FLG: variants seen among roughly 807,000 people sequenced by gnomAD.
FLG encodes epidermal filaggrin.
In FLG, 6 loss-of-function variants were observed where a neutral mutation model predicts 3.8. The observed-to-expected ratio is 1.60, with a 90% CI of 0.87 to 3.15. The LOEUF is 3.15. Among genes scored for constraint, FLG ranks in the 30% most tolerant of loss-of-function variants. FLG has a pLI of 0.00. For synonymous variants in FLG, 2,551 were observed against 1,931.6 expected (o/e 1.32, Z -8.41); for missense variants, 7,595 against 5,050.9 (o/e 1.50, Z -15.27).
Position 152,314,051 on chromosome 1 carries a change from T to G in FLG, c.835A>C (p.Thr279Pro). The stretch of plus-strand genomic sequence containing the variant: ...GACTCCTGCAATGGTACCTGGCTTG[T>G]ATTTTCATGTCTTGACCTGTTCACT... Reference protein sequence around the residue: ...SQVNRSRHENTSQVPLQESRT... With the variant: ...SQVNRSRHENPSQVPLQESRT... The change falls in exon 3 of 3, where the codon ACA becomes CCA. Residue 279 changes from threonine to proline, a missense_variant. Physicochemically the swap from Thr to Pro is conservative, Grantham distance 38. Transcript: ENST00000368799. 4 of 1,614,222 alleles carry G rather than the reference T, an allele frequency of 2.5e-6. No homozygotes were observed. The highest frequency in any genetic ancestry group is 2.5e-6 in the Non-Finnish European group (3 of 1,180,032).
intron 1 of FLG, among the ~76,000 whole-genome samples, chr1:152,324,344 C>G (rs1653078219): frequency 6.6e-6 from 1 of 151,898 alleles, no homozygotes; most frequent in South Asian, 2.1e-4. Flanking sequence ...GCTACGCTGT[C>G]TAGCTCTCTG....
At chr1:152,318,815 A>G (rs1479237851) in intron 1 of FLG, among the ~76,000 whole-genome samples, 1 of 151,896 alleles carries the variant, frequency 6.6e-6, no homozygotes, top group Non-Finnish European at 1.5e-5. Flanking sequence ...TTTTGTGAAG[A>G]CAATAAACAA....
In FLG at chr1:152,303,193, C is replaced by G; in HGVS notation, c.11693G>C (p.Gly3898Ala). 1.2e-6 allele frequency: 2 copies of G among 1,614,098 alleles called. No homozygotes were observed. Among genetic ancestry groups the G allele is most frequent in the South Asian group, 2.2e-5 (2 of 91,068 alleles). Residue 3898 changes from glycine (G) to alanine (A), a missense_variant, in exon 3 of 3, where the codon GGC becomes GCC. Physicochemically the swap from Gly to Ala is moderately conservative, Grantham distance 60. Coordinates refer to ENST00000368799, the MANE Select transcript of FLG (RefSeq NM_002016.2). ...HGSSREQSRD[G>A]SRHPGSSHRD... ...GTGAGAGGATCCGGGGTGTCTGGAG[C>G]CATCTCTTGACTGCTCCCGAGAAGA...
In FLG at chr1:152,303,606, T is replaced by A; in HGVS notation, c.11280A>T (p.Gly3760=). ...TTCCTCCTCTCCTTGACCCCGGGTG[T>A]CCACGAATGGTGTCCTGACCCTCTT... ...ASQEGQDTIR[G]HPGSRRGGRQ... Residue 3760 remains glycine (G), a synonymous_variant, in exon 3 of 3, where the codon GGA becomes GGT. Coordinates refer to ENST00000368799, the MANE Select transcript of FLG (RefSeq NM_002016.2). 1 of 1,613,802 alleles carries A rather than the reference T, an allele frequency of 6.2e-7. No homozygotes were observed. The highest frequency in any genetic ancestry group is 1.1e-5 in the South Asian group (1 of 91,072).
At chr1:152,316,717 G>A (rs1429716596) in intron 1 of FLG, among the ~76,000 whole-genome samples, 1 of 152,052 alleles carries the variant, frequency 6.6e-6, no homozygotes, top group Non-Finnish European at 1.5e-5. Context: ...TCTTTCTGAA[G>A]GATCTCACTC....
In FLG at chr1:152,311,467, C is replaced by T. The variant is rs146853599; in HGVS notation, c.3419G>A (p.Arg1140Gln). ...AHGRTRTSTGRRQGSHHEQAR... is the reference protein window; with the variant it reads ...AHGRTRTSTGQRQGSHHEQAR... Reference sequence around the variant, plus strand: ...CTGCTCGTGGTGGGATCCTTGTCTTCGTCCAGTGCTGGTCCTGGTCCGCCC... The same window carrying T: ...CTGCTCGTGGTGGGATCCTTGTCTTTGTCCAGTGCTGGTCCTGGTCCGCCC... Residue 1140 changes from arginine (R) to glutamine (Q), a missense_variant, in exon 3 of 3, where the codon CGA becomes CAA. Transcript: ENST00000368799. The T allele has an allele frequency of 2.7e-3, 4,381 of 1,613,820 alleles. 97 individuals are homozygous for T. In the African/African-American group the frequency reaches 0.05, roughly 19 times the overall value.
In FLG at chr1:152,302,983, C is replaced by G. The variant is rs753743484; in HGVS notation, c.11903G>C (p.Gly3968Ala). ...YQSEGTERQK[G>A]QSGLVWRHGS... ...ATGTCTCCAAACTAAACCTGATTGA[C>G]CTTTTTGCCTTTCAGTGCCCTCAGA... The change falls in exon 3 of 3, where the codon GGT (glycine) becomes GCT (alanine). Residue 3968 changes from glycine (G) to alanine (A), a missense_variant. Gly to Ala is a moderately conservative substitution (Grantham distance 60, BLOSUM62 0). Transcript: ENST00000368799. 1.9e-6 allele frequency: 3 copies of G among 1,614,180 alleles called. No homozygotes were observed. Among genetic ancestry groups the G allele is most frequent in the East Asian group, 2.2e-5 (1 of 44,886 alleles).
At position 152,307,592 on chromosome 1, in the gene FLG, C is replaced by T. The variant is rs775285976; in HGVS notation, c.7294G>A (p.Gly2432Arg). The T allele has an allele frequency of 1.5e-5, 24 of 1,613,492 alleles. No homozygotes were observed. Among genetic ancestry groups the T allele is most frequent in the East Asian group, 6.7e-5 (3 of 44,790 alleles). ...CCTTGTCTTCCTCCAGTGCTGGTCC[C>T]GGTCCGTCCATGGGCGGACTCAGAC... is the stretch of plus-strand genomic sequence containing the variant. Reference protein sequence around the residue: ...EQSESAHGRTGTSTGGRQGSH... With the variant: ...EQSESAHGRTRTSTGGRQGSH... The change falls in exon 3 of 3, where the codon GGG (glycine) becomes AGG (arginine). Residue 2432 changes from glycine (G) to arginine (R), a missense_variant. Physicochemically the swap from Gly to Arg is moderately radical, Grantham distance 125. Coordinates refer to ENST00000368799, the MANE Select transcript of FLG (RefSeq NM_002016.2).
chr1:152,308,929 G>T lies in FLG; in HGVS notation c.5957C>A (p.Ser1986Tyr), dbSNP rs752623792. ...QSGTRHTESS[S>Y]RGQAASSHEQ... ...ATGGGATGACGCAGCCTGTCCACGA[G>T]AGGAAGACTCTGTGTGACGAGTGCC... The change falls in exon 3 of 3, where the codon TCT becomes TAT. Residue 1986 changes from serine (S) to tyrosine (Y), a missense_variant. Transcript: ENST00000368799. 5 of 1,614,064 alleles carry T rather than the reference G, an allele frequency of 3.1e-6. No individual in the cohort carries two copies. Among genetic ancestry groups the T allele is most frequent in the South Asian group, 1.1e-5 (1 of 91,086 alleles).
In FLG at chr1:152,305,249, A is replaced by G. The variant is rs1386559420; in HGVS notation, c.9637T>C (p.Ser3213Pro). ...EGSRRSRRQG[S>P]SVSQDSDSEG... ...CTGTCACTGTCCTGGCTCACACTGG[A>G]TCCCTGGCGCCTGCTTCTCCTGGAC... is the stretch of plus-strand genomic sequence containing the variant. Residue 3213 changes from serine to proline, a missense_variant, in exon 3 of 3, where the codon TCC becomes CCC. Ser to Pro is a moderately conservative substitution (Grantham distance 74). Coordinates refer to ENST00000368799, the MANE Select transcript of FLG (RefSeq NM_002016.2). The G allele has an allele frequency of 1.2e-6, 2 of 1,612,058 alleles. No homozygotes were observed. Among genetic ancestry groups the G allele is most frequent in the Non-Finnish European group, 1.7e-6 (2 of 1,179,716 alleles).
At position 152,310,180 on chromosome 1, in the gene FLG, C is replaced by A; in HGVS notation, c.4706G>T (p.Gly1569Val). ...SRHHEPSTRA[G>V]SSRHSQVGQG... ...GCCCACCTGTGAGTGTCTAGAGCTGCCGGCCCGAGTGGAAGGTTCATGGTG... is the reference window on the plus strand; with the variant it reads ...GCCCACCTGTGAGTGTCTAGAGCTGACGGCCCGAGTGGAAGGTTCATGGTG... The change falls in exon 3 of 3, where the codon GGC becomes GTC. Residue 1569 changes from glycine to valine, a missense_variant. Coordinates refer to ENST00000368799, the MANE Select transcript of FLG (RefSeq NM_002016.2). 1 of 1,613,600 alleles carries A rather than the reference C, an allele frequency of 6.2e-7. No individual in the cohort carries two copies. Among genetic ancestry groups the A allele is most frequent in the Non-Finnish European group, 8.5e-7 (1 of 1,179,916 alleles).
Position 152,311,675 on chromosome 1 carries a change from C to T in FLG, c.3211G>A (p.Ala1071Thr), listed in dbSNP as rs1369947146. The change falls in exon 3 of 3, where the codon GCC (alanine) becomes ACC (threonine). Residue 1071 changes from alanine (A) to threonine (T), a missense_variant. Transcript: ENST00000368799. ...TCTGAATGTCCCTCACTATCACTGG[C>T]CTGACTACCACTGGACCCCCAGTGT... is the stretch of plus-strand genomic sequence containing the variant. ...SGHWGSSGSQ[A>T]SDSEGHSEES... 5.6e-6 allele frequency: 9 copies of T among 1,614,136 alleles called. No homozygotes were observed. The highest frequency in any genetic ancestry group is 7.6e-6 in the Non-Finnish European group (9 of 1,180,010).
rs1388889820 is a variant in FLG, at chr1:152,305,364, GCTGTCTC to G, written c.9515_9521del (p.Gly3172AlafsTer42). On this transcript the variant is annotated frameshift_variant, in exon 3 of 3. Transcript: ENST00000368799. LOFTEE classifies it low-confidence loss of function (END_TRUNC). ...GGTGACGTGACACTGAGTGCCTGGAGCTGTCTCCTGATTGTTCCTCATTACGTGTTGT... is the reference window on the plus strand; with the variant it reads ...GGTGACGTGACACTGAGTGCCTGGAGCTGATTGTTCCTCATTACGTGTTGT... The G allele has an allele frequency of 2.5e-6, 4 of 1,608,794 alleles. No individual in the cohort carries two copies. In the African/African-American group the frequency reaches 5.5e-5, roughly 22 times the overall value.
At position 152,309,245 on chromosome 1, in the gene FLG, A is replaced by G; in HGVS notation, c.5641T>C (p.Ser1881Pro). The G allele has an allele frequency of 6.2e-7, 1 of 1,613,432 alleles. No homozygotes were observed. Among genetic ancestry groups the G allele is most frequent in the Non-Finnish European group, 8.5e-7 (1 of 1,179,894 alleles). ...GAAGCTTCATGGTGACGCGACCCTG[A>G]GTGCCTGGAGCCGTCTCCTGATTGT... ...EKQSGDGSRH[S>P]GSRHHEASSR... The change falls in exon 3 of 3, where the codon TCA (serine) becomes CCA (proline). Residue 1881 changes from serine to proline, a missense_variant. By Grantham distance (74) the Ser-to-Pro change is moderately conservative. Coordinates refer to ENST00000368799, the MANE Select transcript of FLG (RefSeq NM_002016.2).
Position 152,312,968 on chromosome 1 carries a change from AC to A in FLG, c.1917del (p.Ser640LeufsTer158). ...GATCCATGATGGTTTCTGGAAGCAG[AC>A]CCAGACCACCTCTCAGAGTCTTCTG... ...GHSEDSERWS[G>X]SASRNHHGSA... is the part of the protein sequence containing the mutation. On this transcript the variant is annotated frameshift_variant, in exon 3 of 3. Transcript: ENST00000368799. LOFTEE classifies it low-confidence loss of function (END_TRUNC). The A allele has an allele frequency of 1.9e-6, 3 of 1,613,844 alleles. No homozygotes were observed. The highest frequency in any genetic ancestry group is 2.5e-6 in the Non-Finnish European group (3 of 1,179,994).
Position 152,314,443 on chromosome 1 carries a change from C to T in FLG, c.443G>A (p.Gly148Glu), listed in dbSNP as rs945727472. ...AGAACTAGATTCATGCCTTTTCCCC[C>T]CTGTTTCTCTTGGGCTCTTGGATCT... ...KGRSKSPRET[G>E]GKRHESSSEK... The change falls in exon 3 of 3, where the codon GGG becomes GAG. Residue 148 changes from glycine (G) to glutamate (E), a missense_variant. Gly to Glu is a moderately conservative substitution (Grantham distance 98). Coordinates refer to ENST00000368799, the MANE Select transcript of FLG (RefSeq NM_002016.2). 104 of 1,613,448 alleles carry T rather than the reference C, an allele frequency of 6.4e-5. 4 individuals carry two copies. In the South Asian group the frequency reaches 1.0e-3, roughly 16 times the overall value.
rs370973678 is a variant in FLG at position 152,309,210 on chromosome 1, G to C, written c.5676C>G (p.Ala1892=). 70 of 1,613,500 alleles carry C rather than the reference G, an allele frequency of 4.3e-5. 1 individual carries two copies. The South Asian group carries it at 6.5e-4, about 15-fold the overall frequency. The change falls in exon 3 of 3, where the codon GCC becomes GCG. Residue 1892 remains alanine (A), a synonymous_variant. Coordinates refer to ENST00000368799, the MANE Select transcript of FLG (RefSeq NM_002016.2). ...CCACCTGCGAGTGTCTAGAGCTGTC[G>C]GCCCGAGAGGAAGCTTCATGGTGAC... The part of the protein sequence containing the change: ...GSRHHEASSR[A]DSSRHSQVGQ...
chr1:152,306,924 A>T lies in FLG; in HGVS notation c.7962T>A (p.His2654Gln). ...EQARSSAGER[H>Q]GSHHQQSADS... ...CTGCTGACTGCTGGTGGTGGGATCC[A>T]TGTCTTTCTCCTGCACTTGATCTTG... is the stretch of plus-strand genomic sequence containing the variant. The change falls in exon 3 of 3, where the codon CAT becomes CAA. Residue 2654 changes from histidine to glutamine, a missense_variant. His to Gln is a conservative substitution (Grantham distance 24, BLOSUM62 0). Transcript: ENST00000368799. 3.5e-6 allele frequency: 5 copies of T among 1,415,430 alleles called. No homozygotes were observed. In the South Asian group the frequency reaches 3.6e-5, roughly 10 times the overall value. The allele number at this position is 1,415,430 out of a possible 1,614,324, so 87.7% of individuals were successfully genotyped here. A position where few individuals can be genotyped will look rare whatever the true frequency, so the allele number is the denominator to read the frequency against.
Position 152,302,979 on chromosome 1 carries a change from T to C in FLG, c.11907A>G (p.Gln3969=), listed in dbSNP as rs1488310819. Residue 3969 remains glutamine, a synonymous_variant, in exon 3 of 3, where the codon CAA becomes CAG. Transcript: ENST00000368799. The stretch of plus-strand genomic sequence containing the variant: ...TGCCATGTCTCCAAACTAAACCTGA[T>C]TGACCTTTTTGCCTTTCAGTGCCCT... ...QSEGTERQKG[Q]SGLVWRHGSY... 1.5e-5 allele frequency: 25 copies of C among 1,614,168 alleles called. No individual in the cohort carries two copies. In the East Asian group the frequency reaches 4.9e-4, roughly 32 times the overall value.
Sources: gnomAD v4.1 joint callset for allele counts (sites outside exome capture counted in the v4.1 genomes callset) on GRCh38, gnomAD v4.1.1 for gene constraint, MANE v1.5 for transcripts, NCBI Gene and HGNC (gene_info 2026-07-23, HGNC 2026-07-21) for gene names.